Variants in ITGAL observed in about 807,000 individuals in gnomAD.
ITGAL encodes the protein integrin alpha-L.
In ITGAL, 68 loss-of-function variants were observed where a neutral mutation model predicts 138.4. The observed-to-expected ratio is 0.49, with a 90% confidence interval of 0.40 to 0.60. The LOEUF is 0.60. ITGAL is among the 20% of genes least tolerant of loss of function. The pLI is 0.00. For synonymous variants in ITGAL, 561 were observed against 584.3 expected, an observed-to-expected ratio of 0.96 and a Z score of 0.57; for missense variants, 1,256 against 1,478.6, an observed-to-expected ratio of 0.85 and a Z score of 2.47.
At position 30,521,812 on chromosome 16, in the gene ITGAL, A is replaced by C; in HGVS notation, c.*147A>C. ...TTTCCCTATCTCGAACATGGAACTC[A>C]TTCCTGCCTGTCTCCTTTGCAGGCT... On this transcript the variant is annotated 3_prime_UTR_variant, in exon 31 of 31. Coordinates refer to ENST00000356798, the MANE Select transcript of ITGAL (RefSeq NM_002209.3). The C allele has an allele frequency of 5.3e-6, 4 of 748,686 alleles. No homozygotes were observed. Among genetic ancestry groups the C allele is most frequent in the Non-Finnish European group, 4.2e-6 (2 of 474,512 alleles). The allele number at this position is 748,686 out of a possible 1,614,324, so 46.4% of individuals were successfully genotyped here.
intron 9 of ITGAL, among the ~76,000 whole-genome samples, chr16:30,487,521 T>A (rs2050665251): frequency 6.6e-6 from 1 of 152,044 alleles, no homozygotes; most frequent in South Asian, 2.1e-4. Flanking sequence ...GCGATTCTCC[T>A]GCCTCAGCCT....
intron 17 of ITGAL, among the ~76,000 whole-genome samples, chr16:30,499,733 A>ATATGTGTATATATATATATATATATT: frequency 1.1e-5 from 1 of 88,388 alleles, no homozygotes; most frequent in Admixed American, 1.6e-4. Flanking sequence ...ATATATATAT[A>ATATGTGTATATATATATATATATATT]TTTTTTTTTT....
rs930793453 is a variant in ITGAL at position 30,494,292 on chromosome 16, C to T, written c.1294C>T (p.Arg432Ter). Reference sequence around the variant, plus strand: ...AGCCCCTCGATACCAGCACATGGGCCGAGTGCTGCTGTTCCAAGAGCCACA... The same window carrying T: ...AGCCCCTCGATACCAGCACATGGGCTGAGTGCTGCTGTTCCAAGAGCCACA... ...SGAPRYQHMG[R>*]VLLFQEPQGG... is the part of the protein sequence containing the mutation. The change falls in exon 12 of 31, where the codon CGA becomes TGA. Residue 432 changes from arginine (R) to a stop codon, truncating the protein, a stop_gained. Coordinates refer to ENST00000356798, the MANE Select transcript of ITGAL (RefSeq NM_002209.3). LOFTEE classifies it high-confidence loss of function. This position sits in a 1 kb window ranked among gnomAD's most constrained non-coding sequence, Gnocchi z 4.2. The T allele has an allele frequency of 1.9e-6, 3 of 1,613,648 alleles. No homozygotes were observed. The highest frequency in any genetic ancestry group is 2.5e-6 in the Non-Finnish European group (3 of 1,179,720).
In ITGAL at chr16:30,496,224, C is replaced by A; in HGVS notation, c.1631C>A (p.Pro544His). ...CTGGTAGACGTGGCTGTGGGGGCCC[C>A]TCTGGAGGAGCAGGGGGCTGTGTAC... is the stretch of plus-strand genomic sequence containing the variant. ...DGLVDVAVGAPLEEQGAVYIF... is the reference protein window; with the variant it reads ...DGLVDVAVGAHLEEQGAVYIF... Residue 544 changes from proline (P) to histidine (H), a missense_variant, in exon 14 of 31, where the codon CCT becomes CAT. Physicochemically the swap from Pro to His is moderately conservative, Grantham distance 77. Around this residue, in one of 3 missense-constraint regions of ITGAL, gnomAD observed 867 missense variants for 972.5 expected, o/e 0.89. Coordinates refer to ENST00000356798, the MANE Select transcript of ITGAL (RefSeq NM_002209.3). The A allele has an allele frequency of 1.9e-6, 3 of 1,609,816 alleles. No homozygotes were observed. The highest frequency in any genetic ancestry group is 2.5e-6 in the Non-Finnish European group (3 of 1,178,434).
At chr16:30,501,433 T>C (rs1011465935) in intron 17 of ITGAL, among the ~76,000 whole-genome samples, 1 of 151,834 alleles carries the variant, frequency 6.6e-6, no homozygotes, top group Non-Finnish European at 1.5e-5. Flanking sequence ...CAAAATTAGC[T>C]GGGCGTGGTG....
At chr16:30,500,596 CTGGAG>C (rs1384044533) in intron 17 of ITGAL, among the ~76,000 whole-genome samples, 1 of 151,974 alleles carries the variant, frequency 6.6e-6, no homozygotes, top group Non-Finnish European at 1.5e-5. Context: ...ATCGTCCAGG[CTGGAG>C]TGGAGTGATG....
chr16:30,515,907 G>T (rs1427123768), intron 25 of ITGAL, among the ~76,000 whole-genome samples: 1 of 151,926 alleles, frequency 6.6e-6, no homozygotes, highest in East Asian at 1.9e-4. Flanking sequence ...GGAAGGTGAA[G>T]GTTGCAGCGA....
Position 30,475,328 on chromosome 16 carries a change from G to C in ITGAL, c.187G>C (p.Glu63Gln). 6.2e-7 allele frequency: 1 copy of C among 1,613,768 alleles called. No individual in the cohort carries two copies. The change falls in exon 3 of 31, where the codon GAG (glutamate) becomes CAG (glutamine). Residue 63 changes from glutamate (E) to glutamine (Q), a missense_variant. Physicochemically the swap from Glu to Gln is conservative, Grantham distance 29. Coordinates refer to ENST00000356798, the MANE Select transcript of ITGAL (RefSeq NM_002209.3). The part of the protein sequence containing the change: ...GNGVIVGAPG[E>Q]GNSTGSLYQC... Reference sequence around the variant, plus strand: ...CAGGGTCATCGTGGGAGCTCCAGGGGAGGGGAACAGCACAGGAAGCCTCTA... The same window carrying C: ...CAGGGTCATCGTGGGAGCTCCAGGGCAGGGGAACAGCACAGGAAGCCTCTA...
chr16:30,516,303 C>G (rs1239593036), intron 25 of ITGAL, among the ~76,000 whole-genome samples: 1 of 151,508 alleles, frequency 6.6e-6, no homozygotes, highest in African/African-American at 2.4e-5. Flanking sequence ...GATCTCGGCT[C>G]ACTGCAACCT....
intron 11 of ITGAL, among the ~76,000 whole-genome samples, chr16:30,489,592 C>T (rs1281229299): frequency 6.6e-6 from 1 of 152,138 alleles, no homozygotes; most frequent in Non-Finnish European, 1.5e-5. Flanking sequence ...GAAAAGACTA[C>T]CTCTCCCAGG....
rs753140986 is a variant in ITGAL, at chr16:30,494,874, G to A, written c.1503+24G>A. 2 of 1,569,904 alleles carry A rather than the reference G, an allele frequency of 1.3e-6. No individual in the cohort carries two copies. Among genetic ancestry groups the A allele is most frequent in the Non-Finnish European group, 1.7e-6 (2 of 1,152,274 alleles). ...AGGTGGGGCCAGGATCTGGAGCTGA[G>A]AGGGAGGAGGGAGAGCAGCAGAGAT... On this transcript the variant is annotated intron_variant, in intron 13 of 30. Transcript: ENST00000356798. The surrounding 1 kb of genome is among the most constrained non-coding windows in gnomAD (Gnocchi z 4.2).
rs145143358 is a variant in ITGAL at position 30,501,342 on chromosome 16, G to A, written c.2145+1853G>A. 6.6e-5 allele frequency among the ~76,000 whole-genome samples: 10 copies of A among 152,058 alleles called. No homozygotes were observed. In the East Asian group the frequency reaches 1.4e-3, roughly 21 times the overall value. On this transcript the variant is annotated intron_variant, in intron 17 of 30. Coordinates refer to ENST00000356798, the MANE Select transcript of ITGAL (RefSeq NM_002209.3). ...TGTAATCCCAGCACTTTGGGATGCCGAGGTGGGCAGATCACCTGAGATTGG... is the reference window on the plus strand; with the variant it reads ...TGTAATCCCAGCACTTTGGGATGCCAAGGTGGGCAGATCACCTGAGATTGG...
At chr16:30,507,662 A>T (rs576289123) in intron 21 of ITGAL, among the ~76,000 whole-genome samples, 35 of 151,206 alleles carry the variant, frequency 2.3e-4, no homozygotes, top group Admixed American at 1.9e-3. Flanking sequence ...AAAAAAAAAA[A>T]TTTAAATAGA....
chr16:30,479,648 C>CTTTTTTTTT (rs59770529), intron 6 of ITGAL, among the ~76,000 whole-genome samples, 187 bp downstream of exon 6: 4 of 72,830 alleles, frequency 5.5e-5, no homozygotes, highest in South Asian at 8.6e-4. Flanking sequence ...TTCTCATTTC[C>CTTTTTTTTT]TTTTTTTTTT....
Position 30,474,221 on chromosome 16 carries a change from C to A in ITGAL, c.87C>A (p.Asp29Glu), listed in dbSNP as rs943872783. 6.5e-5 allele frequency: 104 copies of A among 1,607,516 alleles called. No individual in the cohort carries two copies. The highest frequency in any genetic ancestry group is 8.7e-5 in the Non-Finnish European group (102 of 1,177,362). The change falls in exon 2 of 31, where the codon GAC becomes GAA. Residue 29 changes from aspartate to glutamate, a missense_variant. By Grantham distance (45) the Asp-to-Glu change is conservative. Around this residue, in one of 3 missense-constraint regions of ITGAL, gnomAD observed 212 missense variants for 217.4 expected, o/e 0.98. Transcript: ENST00000356798. ...FFAPASSYNLDVRGARSFSPP... is the reference protein window; with the variant it reads ...FFAPASSYNLEVRGARSFSPP... Reference sequence around the variant, plus strand: ...CGCCGGCCTCGAGCTACAACCTGGACGTGCGGGGCGCGCGGAGCTTCTCCC... The same window carrying A: ...CGCCGGCCTCGAGCTACAACCTGGAAGTGCGGGGCGCGCGGAGCTTCTCCC...
rs1028422812 is a variant in ITGAL at position 30,521,889 on chromosome 16, C to T, written c.*224C>T. The T allele has an allele frequency of 3.9e-6, 2 of 517,270 alleles. No homozygotes were observed. Among genetic ancestry groups the T allele is most frequent in the African/African-American group, 3.8e-5 (2 of 52,014 alleles). 32.0% of individuals were successfully genotyped at this position (517,270 alleles called of 1,614,324 possible). On this transcript the variant is annotated 3_prime_UTR_variant, in exon 31 of 31. Coordinates refer to ENST00000356798, the MANE Select transcript of ITGAL (RefSeq NM_002209.3). The stretch of plus-strand genomic sequence containing the variant: ...GCCAAGAGGGCTGCAAAAGTGAGGG[C>T]TTGTCATTACCAGACGGTTCACCAG...
In ITGAL at chr16:30,505,411, G is replaced by A. The variant is rs764870619; in HGVS notation, c.2315G>A (p.Gly772Glu). ...CAGATCCCTTTTGAGAAGAACTGTG[G>A]GGAGGACAAGAAGTGTGAGGCAAAC... Reference protein sequence around the residue: ...TWEIPFEKNCGEDKKCEANLR... With the variant: ...TWEIPFEKNCEEDKKCEANLR... The change falls in exon 20 of 31, where the codon GGG becomes GAG. Residue 772 changes from glycine to glutamate, a missense_variant. This residue lies in a region of ITGAL where 867 missense variants were observed against 972.5 expected (regional missense o/e 0.89). Coordinates refer to ENST00000356798, the MANE Select transcript of ITGAL (RefSeq NM_002209.3). The A allele has an allele frequency of 1.9e-6, 3 of 1,614,020 alleles. No individual in the cohort carries two copies. The highest frequency in any genetic ancestry group is 8.5e-7 in the Non-Finnish European group (1 of 1,180,002).
At chr16:30,520,741 G>A (rs1597113472) in intron 30 of ITGAL, among the ~76,000 whole-genome samples, 1 of 152,318 alleles carries the variant, frequency 6.6e-6, no homozygotes, top group East Asian at 1.9e-4. Flanking sequence ...GGCCTGGCAG[G>A]CCTCCCAGGA....
intron 28 of ITGAL, 23 bp from the exon 29 acceptor site, chr16:30,518,601 G>A (rs2051206335): frequency 1.3e-6 from 2 of 1,565,644 alleles, no homozygotes; most frequent in Non-Finnish European, 1.8e-6. Flanking sequence ...CCCGGGTTCT[G>A]ACGCCTTTCC....
Sources: allele counts gnomAD v4.1 joint callset (sites outside exome capture counted in the v4.1 genomes callset), GRCh38; gene constraint gnomAD v4.1.1; regional missense constraint gnomAD v4.1.1; non-coding constraint Gnocchi (gnomAD v3.1); transcripts MANE v1.5; gene names NCBI Gene and HGNC (gene_info 2026-07-23, HGNC 2026-07-21).